Variants in XG observed in about 807,000 individuals in gnomAD.
The protein encoded by XG is Xg glycoprotein (Xg blood group), also known as glycoprotein Xg.
XG carries 24 observed loss-of-function variants against 25.7 expected under a neutral mutation model. The observed-to-expected ratio is 0.93, with a 90% CI of 0.68 to 1.31. The LOEUF is 1.31. Among genes scored for constraint, XG ranks in the 40% most tolerant of loss-of-function variants. The pLI is 0.00. For missense variants in XG, 181 were observed against 187.6 expected (o/e 0.96, Z 0.21); for synonymous variants, 77 against 69.2 (o/e 1.11, Z -0.56).
At chrX:2,778,758 C>G (rs191660011) in intron 3 of XG, among the ~76,000 whole-genome samples, 1,589 of 151,756 alleles carry the variant, frequency 0.01, 12 homozygotes, top group Non-Finnish European at 0.018. Flanking sequence ...GTGATCAAAT[C>G]TCAACCTCAT....
At chrX:2,774,504 C>A (rs1307274820) in intron 2 of XG, among the ~76,000 whole-genome samples, 1 of 152,078 alleles carries the variant, frequency 6.6e-6, no homozygotes, top group African/African-American at 2.4e-5. Flanking sequence ...TGGGCATCCT[C>A]ACAGCCTCAA....
At chrX:2,800,209 C>G (rs1174664404) in intron 7 of XG, among the ~76,000 whole-genome samples, 2 of 111,574 alleles carry the variant, frequency 1.8e-5, no homozygotes, top group Non-Finnish European at 3.8e-5. Context: ...AGGAAGAGGC[C>G]TGCTTAGCAA....
chrX:2,793,242 C>T (rs1363243749), intron 5 of XG, among the ~76,000 whole-genome samples: 1 of 111,714 alleles, frequency 9.0e-6, no homozygotes, highest in Non-Finnish European at 1.9e-5. Flanking sequence ...CCTAGAGTGA[C>T]AATGGTGCAC....
intron 1 of XG, among the ~76,000 whole-genome samples, chrX:2,756,710 C>T (rs1021278272): frequency 6.6e-6 from 1 of 152,142 alleles, no homozygotes; most frequent in Non-Finnish European, 1.5e-5. Flanking sequence ...CCTGACGCCC[C>T]CTCACAGGAT....
intron 6 of XG, 141 bp downstream of exon 6, chrX:2,794,744 C>T: frequency 2.9e-6 from 2 of 687,605 alleles, no homozygotes; most frequent in East Asian, 7.5e-5. Context: ...CAGGGGATGA[C>T]AGAGAAGGCC....
At chrX:2,757,828 C>G (rs1019222973) in intron 1 of XG, among the ~76,000 whole-genome samples, 2 of 151,180 alleles carry the variant, frequency 1.3e-5, no homozygotes, top group African/African-American at 4.9e-5. Flanking sequence ...AAAAATTAGC[C>G]AGGCATGGTG....
intron 7 of XG, among the ~76,000 whole-genome samples, chrX:2,798,372 T>TC (rs1283380870): frequency 3.4e-5 from 3 of 88,126 alleles, no homozygotes; most frequent in Non-Finnish European, 6.0e-5. Flanking sequence ...ATCTTTTCTT[T>TC]TTTTTTTTTT....
At chrX:2,809,130 T>C (rs1344687542) in intron 9 of XG, among the ~76,000 whole-genome samples, 4 of 110,761 alleles carry the variant, frequency 3.6e-5, no homozygotes, top group Non-Finnish European at 7.6e-5. Flanking sequence ...AAAATATGGG[T>C]GGGAGGTGCC....
At chrX:2,767,593 C>A (rs1479358732) in intron 1 of XG, among the ~76,000 whole-genome samples, 1 of 152,176 alleles carries the variant, frequency 6.6e-6, no homozygotes, top group Admixed American at 6.5e-5. Context: ...CATGTGCAAC[C>A]CGACCTTGGA....
At chrX:2,765,191 A>C (rs311132) in intron 1 of XG, among the ~76,000 whole-genome samples, 16,101 of 150,796 alleles carry the variant, frequency 0.11, 2,572 homozygotes, top group African/African-American at 0.36. Flanking sequence ...ACTAAAAATA[A>C]AAAAAATTAG....
intron 5 of XG, among the ~76,000 whole-genome samples, chrX:2,790,613 C>T (rs1186035887): frequency 9.0e-6 from 1 of 111,389 alleles, no homozygotes; most frequent in Non-Finnish European, 1.9e-5. Context: ...AACCAGCGGC[C>T]AACATGGTGA....
intron 2 of XG, among the ~76,000 whole-genome samples, chrX:2,772,156 C>CAA (rs1339119443): frequency 1.3e-5 from 2 of 152,150 alleles, no homozygotes; most frequent in African/African-American, 4.8e-5. Flanking sequence ...AGATACAGAA[C>CAA]AAGACATGTT....
At chrX:2,779,330 T>TAAAAAAAAAAAAA (rs34578775) in intron 3 of XG, among the ~76,000 whole-genome samples, 1 of 105,882 alleles carries the variant, frequency 9.4e-6, no homozygotes, top group Non-Finnish European at 2.1e-5. Flanking sequence ...AGTGAGAGTA[T>TAAAAAAAAAAAAA]AAAAAAAAAA....
chrX:2,757,014 G>A (rs190664900), intron 1 of XG, among the ~76,000 whole-genome samples: 89 of 152,332 alleles, frequency 5.8e-4, no homozygotes, highest in Non-Finnish European at 1.0e-3. Flanking sequence ...CGAACCAGCT[G>A]AAGGATGGTA....
intron 7 of XG, among the ~76,000 whole-genome samples, chrX:2,805,043 G>T (rs376865747): frequency 8.9e-6 from 1 of 112,304 alleles, no homozygotes; most frequent in African/African-American, 3.2e-5. Flanking sequence ...GTCAGCGCTC[G>T]GATTAGCATC....
intron 3 of XG, among the ~76,000 whole-genome samples, chrX:2,779,330 TAAA>T (rs34578775): frequency 0.033 from 3,475 of 105,836 alleles, 105 homozygotes; most frequent in African/African-American, 0.1. Flanking sequence ...AGTGAGAGTA[TAAA>T]AAAAAAAAAA....
intron 4 of XG, 75 bp downstream of exon 4, chrX:2,782,203 T>A (rs2086736385): frequency 1.8e-6 from 2 of 1,105,676 alleles, no homozygotes; most frequent in African/African-American, 3.6e-5. Context: ...CTAGCAGGTT[T>A]AGCCTGGTTG....
intron 9 of XG, among the ~76,000 whole-genome samples, chrX:2,810,287 T>A (rs1211927350): frequency 7.2e-5 from 8 of 111,580 alleles, no homozygotes; most frequent in Non-Finnish European, 1.3e-4. Context: ...TTTTTTCCCT[T>A]TGGAAGTGTT....
At chrX:2,757,281 G>C (rs950775554) in intron 1 of XG, among the ~76,000 whole-genome samples, 1 of 151,940 alleles carries the variant, frequency 6.6e-6, no homozygotes, top group African/African-American at 2.4e-5. Context: ...CTGGGGTTTG[G>C]GGTTATATGG....
Sources: allele counts gnomAD v4.1 joint callset (sites outside exome capture counted in the v4.1 genomes callset), GRCh38; gene constraint gnomAD v4.1.1; transcripts MANE v1.5; gene names NCBI Gene and HGNC (gene_info 2026-07-23, HGNC 2026-07-21).